PAPPA2: variants seen among roughly 807,000 people sequenced by gnomAD.
The protein encoded by PAPPA2 is pappalysin 2.
A neutral mutation model predicts 176.4 loss-of-function variants in PAPPA2; 86 were observed. That is an observed-to-expected ratio of 0.49 (90% CI 0.41 to 0.58). PAPPA2 has a LOEUF of 0.58. Ranked by LOEUF, PAPPA2 falls within the 20% of genes least tolerant of loss-of-function variation. PAPPA2 has a pLI of 0.00. For synonymous variants in PAPPA2, 809 were observed against 852.2 expected, an observed-to-expected ratio of 0.95 and a Z score of 0.88; for missense variants, 2,073 against 2,256.9, an observed-to-expected ratio of 0.92 and a Z score of 1.65.
intron 3 of PAPPA2, among the ~76,000 whole-genome samples, chr1:176,644,816 A>C (rs762510939): frequency 4.6e-5 from 7 of 151,804 alleles, no homozygotes; most frequent in Non-Finnish European, 8.8e-5. Flanking sequence ...CACCTTTTGA[A>C]AGAAGAGTAG....
intron 7 of PAPPA2, among the ~76,000 whole-genome samples, chr1:176,698,403 A>G (rs1660483112): frequency 6.6e-6 from 1 of 152,234 alleles, no homozygotes; most frequent in Non-Finnish European, 1.5e-5. Flanking sequence ...CACGACAGAA[A>G]AGAAAACCAT....
At chr1:176,767,904 G>A (rs1161875268) in intron 15 of PAPPA2, among the ~76,000 whole-genome samples, 1 of 152,314 alleles carries the variant, frequency 6.6e-6, no homozygotes, top group Admixed American at 6.5e-5. Flanking sequence ...CGCAAGAACC[G>A]AAACTAAACA....
chr1:176,767,916 A>C (rs1346256991), intron 15 of PAPPA2, among the ~76,000 whole-genome samples: 1 of 152,196 alleles, frequency 6.6e-6, no homozygotes, highest in African/African-American at 2.4e-5. Flanking sequence ...AACTAAACAG[A>C]AAAATGTGTC....
At chr1:176,812,183 T>C (rs984096412) in intron 21 of PAPPA2, among the ~76,000 whole-genome samples, 7 of 151,006 alleles carry the variant, frequency 4.6e-5, no homozygotes, top group African/African-American at 1.7e-4. Context: ...CTCCACCCTT[T>C]TTCTGATTTA....
chr1:176,603,003 G>C (rs10913215), intron 3 of PAPPA2, among the ~76,000 whole-genome samples: 24,249 of 152,162 alleles, frequency 0.16, 2,056 homozygotes, highest in Middle Eastern at 0.23. Context: ...TCAGGTGAGT[G>C]GGGGGCTGGG....
chr1:176,839,847 T>G (rs1667416669), intron 21 of PAPPA2, among the ~76,000 whole-genome samples: 1 of 152,168 alleles, frequency 6.6e-6, no homozygotes, highest in Non-Finnish European at 1.5e-5. Context: ...AAAAATATGT[T>G]GAACTGTTTT....
intron 15 of PAPPA2, among the ~76,000 whole-genome samples, chr1:176,767,043 G>C (rs911582061): frequency 2.0e-5 from 3 of 152,116 alleles, no homozygotes; most frequent in African/African-American, 4.8e-5. Flanking sequence ...GAGAGAAACA[G>C]CTTTAATATA....
rs769674685 is a variant in PAPPA2, at chr1:176,670,959, A to T, written c.1992-11A>T. On this transcript the variant is annotated splice_polypyrimidine_tract_variant and intron_variant, in intron 3 of 22. Coordinates refer to ENST00000367662, the MANE Select transcript of PAPPA2 (RefSeq NM_020318.3). ...TTGCTGTGACATTTTTTCATCTTGC[A>T]TGCTCTCTAGGGCATACATGAGTGT... 11 of 1,612,928 alleles carry T rather than the reference A, an allele frequency of 6.8e-6. No individual in the cohort carries two copies. The highest frequency in any genetic ancestry group is 8.5e-6 in the Non-Finnish European group (10 of 1,179,512).
Position 176,789,961 on chromosome 1 carries a change from A to G in PAPPA2, c.4868A>G (p.Asn1623Ser), listed in dbSNP as rs1665104918. ...SLDSQCVLNC[N>S]QEREKLPILC... The stretch of plus-strand genomic sequence containing the variant: ...GACAGCCAGTGTGTGCTCAACTGTA[A>G]CCAGGAACGTGAAAAGGTAAGGAAC... The change falls in exon 18 of 23, where the codon AAC becomes AGC. Residue 1623 changes from asparagine to serine, a missense_variant. Physicochemically the swap from Asn to Ser is conservative, Grantham distance 46. Around this residue, in one of 4 missense-constraint regions of PAPPA2, gnomAD observed 846 missense variants for 857.9 expected, o/e 0.99. Transcript: ENST00000367662. 5.0e-6 allele frequency: 8 copies of G among 1,614,094 alleles called. No homozygotes were observed. Among genetic ancestry groups the G allele is most frequent in the Non-Finnish European group, 6.8e-6 (8 of 1,179,978 alleles).
At chr1:176,756,051 C>T (rs577923987) in intron 14 of PAPPA2, among the ~76,000 whole-genome samples, 6 of 152,148 alleles carry the variant, frequency 3.9e-5, no homozygotes, top group South Asian at 2.1e-4. Context: ...GTCCATCTCC[C>T]GGGTTCAAGC....
chr1:176,485,531 A>G (rs529297184), intron 1 of PAPPA2, among the ~76,000 whole-genome samples: 9 of 152,216 alleles, frequency 5.9e-5, no homozygotes, highest in African/African-American at 9.6e-5. Context: ...TTGGACATAT[A>G]TATTTTTAAA....
chr1:176,808,744 C>T (rs1481161699), intron 21 of PAPPA2, among the ~76,000 whole-genome samples: 2 of 151,728 alleles, frequency 1.3e-5, no homozygotes, highest in African/African-American at 4.9e-5. Flanking sequence ...CTTCCACAGG[C>T]ATTAGAAAAT....
rs201948410 is a variant in PAPPA2 at position 176,769,643 on chromosome 1, G to A, written c.4360G>A (p.Asp1454Asn). Residue 1454 changes from aspartate to asparagine, a missense_variant, in exon 16 of 23, where the codon GAC becomes AAC. Asp to Asn is a conservative substitution (Grantham distance 23, BLOSUM62 1). Transcript: ENST00000367662. ...ILLTCSSGHW[D>N]QNVSCLPVDC... is the part of the protein sequence containing the mutation. Reference sequence around the variant, plus strand: ...GCTCACATGTTCTTCTGGGCACTGGGACCAGAATGTGAGCTGCCTTCCCGT... The same window carrying A: ...GCTCACATGTTCTTCTGGGCACTGGAACCAGAATGTGAGCTGCCTTCCCGT... The A allele has an allele frequency of 4.0e-5, 64 of 1,613,374 alleles. 1 individual carries two copies. The highest frequency in any genetic ancestry group is 6.6e-5 in the South Asian group (6 of 90,900).
intron 1 of PAPPA2, among the ~76,000 whole-genome samples, chr1:176,480,992 G>A (rs1652367689): frequency 1.3e-5 from 2 of 152,072 alleles, no homozygotes; most frequent in Non-Finnish European, 2.9e-5. Context: ...ACCCCACAGC[G>A]CTTTCCTCTT....
intron 3 of PAPPA2, among the ~76,000 whole-genome samples, chr1:176,669,546 CT>C (rs1353112856): frequency 2.6e-5 from 4 of 152,160 alleles, no homozygotes; most frequent in African/African-American, 7.2e-5. Flanking sequence ...AACTATCCCC[CT>C]GATCACATAT....
intron 8 of PAPPA2, among the ~76,000 whole-genome samples, chr1:176,702,357 T>C (rs2102822278): frequency 6.6e-6 from 1 of 152,358 alleles, no homozygotes. Flanking sequence ...AGGTTCAGTG[T>C]TAACGCAGCA....
intron 1 of PAPPA2, among the ~76,000 whole-genome samples, chr1:176,475,487 T>G (rs964348177): frequency 3.3e-5 from 5 of 152,232 alleles, no homozygotes; most frequent in African/African-American, 7.2e-5. Flanking sequence ...CCTCCTTTAG[T>G]AAGCACTGAG....
At position 176,660,646 on chromosome 1, in the gene PAPPA2, A is replaced by T. The variant is rs914263942; in HGVS notation, c.1992-10324A>T. On this transcript the variant is annotated intron_variant, in intron 3 of 22. Transcript: ENST00000367662. ...CACATTTTCCACCCTCCTTATAAAG[A>T]TCTCATGAGAGATCTATCCAATATC... Among the ~76,000 whole-genome samples the T allele has an allele frequency of 3.3e-5, 5 of 152,096 alleles. No homozygotes were observed. In the East Asian group the frequency reaches 9.7e-4, roughly 29 times the overall value.
chr1:176,752,690 A>C (rs1264611344), intron 14 of PAPPA2, among the ~76,000 whole-genome samples: 2 of 152,186 alleles, frequency 1.3e-5, no homozygotes, highest in Non-Finnish European at 2.9e-5. Flanking sequence ...TGCAAAAATA[A>C]ATAATCCTGG....
Sources: gnomAD v4.1 joint callset for allele counts (sites outside exome capture counted in the v4.1 genomes callset) on GRCh38, gnomAD v4.1.1 for gene constraint, gnomAD v4.1.1 regional missense constraint, MANE v1.5 for transcripts, NCBI Gene and HGNC (gene_info 2026-07-23, HGNC 2026-07-21) for gene names.